CDH11: variants seen among roughly 807,000 people sequenced by gnomAD.
The protein encoded by CDH11 is cadherin 11, also known as cadherin-11.
Under a neutral mutation model 67.8 loss-of-function variants are expected in CDH11, and 11 were observed. The observed-to-expected ratio is 0.16, with a 90% CI of 0.10 to 0.27. The LOEUF (loss-of-function observed/expected upper bound fraction) is 0.27. Ranked by LOEUF, CDH11 falls within the 10% of genes least tolerant of loss-of-function variation. CDH11 has a pLI of 1.00. For synonymous variants in CDH11, 419 were observed against 400.0 expected, an observed-to-expected ratio of 1.05 and a Z score of -0.57; for missense variants, 847 against 1,031.2, an observed-to-expected ratio of 0.82 and a Z score of 2.45.
intron 1 of CDH11, among the ~76,000 whole-genome samples, chr16:65,089,930 T>G (rs2074767497): frequency 3.9e-5 from 6 of 152,134 alleles, no homozygotes; most frequent in Admixed American, 3.9e-4. Context: ...TAATAATATA[T>G]TATTTAAGTG....
rs1390912443 is a variant in CDH11, at chr16:64,944,071, G to C, written c.*3532C>G. ...CGTGCACTGAAAGGAGGATGGAGTG[G>C]AATGACACTGGAGAGGTTCGCAGGG... On this transcript the variant is annotated 3_prime_UTR_variant, in exon 13 of 13. Coordinates refer to ENST00000268603, the MANE Select transcript of CDH11 (RefSeq NM_001797.4). 1 of 232,698 alleles carries C rather than the reference G, an allele frequency of 4.3e-6. No individual in the cohort carries two copies. Among genetic ancestry groups the C allele is most frequent in the African/African-American group, 2.2e-5 (1 of 45,306 alleles). 14.4% of individuals were successfully genotyped at this position (232,698 alleles called of 1,614,324 possible). A position where few individuals can be genotyped will look rare whatever the true frequency, so the allele number is the denominator to read the frequency against.
intron 1 of CDH11, among the ~76,000 whole-genome samples, chr16:65,106,302 G>A (rs540202479): frequency 1.3e-5 from 2 of 152,252 alleles, no homozygotes; most frequent in South Asian, 4.1e-4. Context: ...TGGGTATAGG[G>A]TTTGACCTGG....
chr16:65,035,919 C>T (rs576221395), intron 2 of CDH11, among the ~76,000 whole-genome samples: 10 of 152,270 alleles, frequency 6.6e-5, no homozygotes, highest in South Asian at 2.1e-4. Flanking sequence ...ATAGTTTCCA[C>T]GTGAGAGTGG....
In CDH11 at chr16:64,945,451, T is replaced by C. The variant is rs993649598; in HGVS notation, c.*2152A>G. The C allele has an allele frequency of 4.1e-5, 42 of 1,036,850 alleles. No homozygotes were observed. The highest frequency in any genetic ancestry group is 4.8e-5 in the Non-Finnish European group (41 of 860,702). The allele number at this position is 1,036,850 out of a possible 1,614,324, so 64.2% of individuals were successfully genotyped here. On this transcript the variant is annotated 3_prime_UTR_variant, in exon 13 of 13. Coordinates refer to ENST00000268603, the MANE Select transcript of CDH11 (RefSeq NM_001797.4). ...CATTCCTAGAGAAAAGGATCATCCA[T>C]GGTGACAGGGTTACTTACAGCTGTA... is the stretch of plus-strand genomic sequence containing the variant.
intron 1 of CDH11, among the ~76,000 whole-genome samples, chr16:65,070,022 T>A (rs1218913987): frequency 6.6e-6 from 1 of 152,164 alleles, no homozygotes; most frequent in Admixed American, 6.5e-5. Context: ...TGACTCAGAA[T>A]AAATTAGCCA....
At chr16:65,038,163 T>G (rs144837451) in intron 2 of CDH11, among the ~76,000 whole-genome samples, 2 of 152,230 alleles carry the variant, frequency 1.3e-5, no homozygotes, top group East Asian at 3.9e-4. Context: ...GCTTCCCGAA[T>G]GCAGTCACAC....
chr16:64,945,119 G>C lies in CDH11; in HGVS notation c.*2484C>G, dbSNP rs879031847. 9.9e-6 allele frequency: 2 copies of C among 202,918 alleles called. No homozygotes were observed. Among genetic ancestry groups the C allele is most frequent in the South Asian group, 3.8e-4 (2 of 5,242 alleles). 12.6% of individuals were successfully genotyped at this position (202,918 alleles called of 1,614,324 possible). On this transcript the variant is annotated 3_prime_UTR_variant, in exon 13 of 13. Coordinates refer to ENST00000268603, the MANE Select transcript of CDH11 (RefSeq NM_001797.4). Reference sequence around the variant, plus strand: ...GAACAGAAGCATGTTCCTTCTTTTAGCTGCATAGATGGTATAAAACAGTGA... The same window carrying C: ...GAACAGAAGCATGTTCCTTCTTTTACCTGCATAGATGGTATAAAACAGTGA...
At chr16:65,067,039 T>C (rs1259507574) in intron 1 of CDH11, among the ~76,000 whole-genome samples, 1 of 152,086 alleles carries the variant, frequency 6.6e-6, no homozygotes, top group Admixed American at 6.6e-5. Flanking sequence ...TGTGGTGTGG[T>C]GGGGAGAGCT....
intron 11 of CDH11, among the ~76,000 whole-genome samples, chr16:64,965,422 C>T (rs1426788608): frequency 6.6e-6 from 1 of 151,968 alleles, no homozygotes; most frequent in Admixed American, 6.6e-5. Context: ...TGTAAACCCA[C>T]ACATTAGCCT....
chr16:65,009,983 T>C (rs1457551582), intron 2 of CDH11, among the ~76,000 whole-genome samples: 1 of 152,172 alleles, frequency 6.6e-6, no homozygotes, highest in African/African-American at 2.4e-5. Context: ...TATACGGGTG[T>C]TTAAGTATAT....
upstream of CDH11, chr16:65,122,128 GT>G: frequency 6.0e-6 from 3 of 503,882 alleles, no homozygotes; most frequent in East Asian, 4.1e-5. Flanking sequence ...GGGCAGGCGG[GT>G]GCGGGGCGGG....
At chr16:65,027,513 G>T (rs2073558254) in intron 2 of CDH11, among the ~76,000 whole-genome samples, 1 of 152,210 alleles carries the variant, frequency 6.6e-6, no homozygotes, top group Non-Finnish European at 1.5e-5. Flanking sequence ...GCATTACTTT[G>T]TAAAGGAAAG....
At chr16:64,976,921 A>AGTG (rs557311954) in intron 8 of CDH11, among the ~76,000 whole-genome samples, 38 of 152,080 alleles carry the variant, frequency 2.5e-4, no homozygotes, top group African/African-American at 7.7e-4. Context: ...GACTAGGTGC[A>AGTG]GTGGTTCATG....
chr16:65,096,063 A>G (rs1288056796), intron 1 of CDH11, among the ~76,000 whole-genome samples: 2 of 152,224 alleles, frequency 1.3e-5, no homozygotes, highest in African/African-American at 4.8e-5. Flanking sequence ...TCTGATATAT[A>G]CATAAATGCA....
intron 1 of CDH11, among the ~76,000 whole-genome samples, chr16:65,066,799 T>C: frequency 6.6e-6 from 1 of 152,226 alleles, no homozygotes; most frequent in Non-Finnish European, 1.5e-5. Flanking sequence ...AGAAACTCTG[T>C]CATCTGCATC....
chr16:65,005,089 C>A, intron 2 of CDH11, 48 bp from the exon 3 acceptor site: 1 of 1,334,878 alleles, frequency 7.5e-7, no homozygotes, highest in Non-Finnish European at 9.6e-7. Context: ...ATCCCCACTT[C>A]ATTTCCATTC....
chr16:65,005,692 G>C (rs1386211975), intron 2 of CDH11, among the ~76,000 whole-genome samples: 1 of 152,132 alleles, frequency 6.6e-6, no homozygotes, highest in African/African-American at 2.4e-5. Context: ...ATCAGTTAAG[G>C]GTATAGTGTC....
In CDH11 at chr16:64,955,973, A is replaced by G. The variant is rs79550701; in HGVS notation, c.1643-4955T>C. ...AGGTTTATGGATAACCCAAGAAAAA[A>G]AGAGGTTCAGTGAGGACATATTTCC... On this transcript the variant is annotated intron_variant, in intron 11 of 12. Coordinates refer to ENST00000268603, the MANE Select transcript of CDH11 (RefSeq NM_001797.4). Among the ~76,000 whole-genome samples, 382 of 152,282 alleles carry G rather than the reference A, an allele frequency of 2.5e-3. 17 individuals carry two copies. The East Asian group carries it at 0.06, about 24-fold the overall frequency.
At position 65,121,613 on chromosome 16, in the gene CDH11, G is replaced by T. The variant is rs1348182964; in HGVS notation, c.-298+267C>A. ...CTCGGCGCAGACCCCACAGGAGGCC[G>T]GAGCCAGGGAGAGTCGTGGAGCGCA... On this transcript the variant is annotated intron_variant, in intron 1 of 12. Coordinates refer to ENST00000268603, the MANE Select transcript of CDH11 (RefSeq NM_001797.4). The surrounding 1 kb of genome is among the most constrained non-coding windows in gnomAD (Gnocchi z 4.1). 6.6e-6 allele frequency among the ~76,000 whole-genome samples: 1 copy of T among 152,188 alleles called. No individual in the cohort carries two copies. The highest frequency in any genetic ancestry group is 2.4e-5 in the African/African-American group (1 of 41,462).
Sources: allele counts gnomAD v4.1 joint callset (sites outside exome capture counted in the v4.1 genomes callset), GRCh38; gene constraint gnomAD v4.1.1; non-coding constraint Gnocchi (gnomAD v3.1); transcripts MANE v1.5; gene names NCBI Gene and HGNC (gene_info 2026-07-23, HGNC 2026-07-21).